The following YWHAZ variants were observed in gnomAD, a reference collection of about 807,000 sequenced individuals.
The protein encoded by YWHAZ is tyrosine 3-monooxygenase/tryptophan 5-monooxygenase activation protein zeta, also known as 14-3-3 protein zeta/delta.
For missense variants in YWHAZ, 79 were observed against 284.8 expected (o/e 0.28, Z 5.20); for synonymous variants, 87 against 103.6 (o/e 0.84, Z 0.97).
chr8:100,918,408 T>TTTTATATATATATATATATATA lies in YWHAZ; in HGVS notation c.*2284_*2285insTATATATATATATATATATAAA, dbSNP rs1554611375. The TTTTATATATATATATATATATA allele has an allele frequency of 2.4e-5, 1 of 41,882 alleles. No individual in the cohort carries two copies. Among genetic ancestry groups the TTTTATATATATATATATATATA allele is most frequent in the Non-Finnish European group, 4.8e-5 (1 of 20,796 alleles). 2.6% of individuals were successfully genotyped at this position (41,882 alleles called of 1,614,324 possible). ...AGTCTAGCTATAAAATATAATTACT[T>TTTTATATATATATATATATATA]TATATATATATATATATATATATAT... On this transcript the variant is annotated 3_prime_UTR_variant, in exon 6 of 6. Transcript: ENST00000395958.
Position 100,940,211 on chromosome 8 carries a change from C to T in YWHAZ, c.294+8385G>A, listed in dbSNP as rs139297637. The stretch of plus-strand genomic sequence containing the variant: ...TCCCCTCCCCCAGGATCTAGGCCTG[C>T]GCTGAAGTTTCTCACAAACCAAGGC... On this transcript the variant is annotated intron_variant, in intron 2 of 5. Transcript: ENST00000395958. Among the ~76,000 whole-genome samples the T allele has an allele frequency of 2.3e-3, 354 of 152,302 alleles. 1 individual carries two copies. Among genetic ancestry groups the T allele is most frequent in the African/African-American group, 8.1e-3 (335 of 41,556 alleles).
intron 2 of YWHAZ, among the ~76,000 whole-genome samples, chr8:100,938,726 G>C (rs899560308): frequency 2.0e-5 from 3 of 152,034 alleles, no homozygotes; most frequent in African/African-American, 7.2e-5. Flanking sequence ...CACACATTAG[G>C]GGCCCATAGA....
intron 2 of YWHAZ, among the ~76,000 whole-genome samples, chr8:100,930,647 T>C (rs1000115841): frequency 2.6e-5 from 4 of 152,210 alleles, no homozygotes; most frequent in African/African-American, 4.8e-5. Flanking sequence ...AAGTTTTACT[T>C]TTTTCCCTCC....
chr8:100,952,284 T>C, upstream of YWHAZ: 2 of 394,810 alleles, frequency 5.1e-6, no homozygotes, highest in Non-Finnish European at 6.9e-6. Context: ...GGCTTCCAGC[T>C]CCTCTACGCT....
chr8:100,952,711 G>A, upstream of YWHAZ: 1 of 875,360 alleles, frequency 1.1e-6, no homozygotes, highest in Non-Finnish European at 1.4e-6. Flanking sequence ...CCCGGGGCGG[G>A]GGCAGGGCGC....
At chr8:100,923,687 G>C (rs914800729) in intron 5 of YWHAZ, 4 of 269,864 alleles carry the variant, frequency 1.5e-5, no homozygotes, top group African/African-American at 8.9e-5. Flanking sequence ...AAAACATGTA[G>C]AGTCTCAGCA....
At chr8:100,923,856 A>G in intron 5 of YWHAZ, 99 bp downstream of exon 5, 1 of 938,638 alleles carries the variant, frequency 1.1e-6, no homozygotes, top group Non-Finnish European at 1.6e-6. Flanking sequence ...TGTTGAGAAA[A>G]AATTTTAAAA....
chr8:100,923,876 A>G, intron 5 of YWHAZ, 79 bp downstream of exon 5: 1 of 1,230,394 alleles, frequency 8.1e-7, no homozygotes, highest in Non-Finnish European at 1.1e-6. Flanking sequence ...AGATGTATTT[A>G]ATAAAAAAAA....
chr8:100,953,035 G>C, upstream of YWHAZ: 1 of 999,726 alleles, frequency 1.0e-6, no homozygotes, highest in Non-Finnish European at 1.2e-6. Context: ...GCCGGGCCGG[G>C]CGGAGCCGGC....
chr8:100,931,394 A>C (rs1290587607), intron 2 of YWHAZ, among the ~76,000 whole-genome samples: 1 of 152,198 alleles, frequency 6.6e-6, no homozygotes, highest in African/African-American at 2.4e-5. Context: ...CTGAGAATCT[A>C]TCTCTAGTGA....
chr8:100,927,387 G>T (rs1303066983), intron 2 of YWHAZ, among the ~76,000 whole-genome samples: 1 of 152,144 alleles, frequency 6.6e-6, no homozygotes, highest in Non-Finnish European at 1.5e-5. Flanking sequence ...AACCAGGTGT[G>T]GTGGCACACC....
rs116301722 is a variant in YWHAZ at position 100,943,424 on chromosome 8, C to T, written c.294+5172G>A. Among the ~76,000 whole-genome samples the T allele has an allele frequency of 5.1e-3, 781 of 152,282 alleles. 9 individuals are homozygous for T. Among genetic ancestry groups the T allele is most frequent in the African/African-American group, 0.017 (710 of 41,538 alleles). On this transcript the variant is annotated intron_variant, in intron 2 of 5. Transcript: ENST00000395958. ...ATTCTGACTTAAAAATTCTCACACACACATTCAATATAAATATGCCAAGAG... is the reference window on the plus strand; with the variant it reads ...ATTCTGACTTAAAAATTCTCACACATACATTCAATATAAATATGCCAAGAG...
rs1176504648 is a variant in YWHAZ at position 100,939,635 on chromosome 8, G to A, written c.294+8961C>T. 4.6e-5 allele frequency among the ~76,000 whole-genome samples: 7 copies of A among 151,694 alleles called. No homozygotes were observed. The East Asian group carries it at 1.2e-3, about 25-fold the overall frequency. On this transcript the variant is annotated intron_variant, in intron 2 of 5. Transcript: ENST00000395958. Reference sequence around the variant, plus strand: ...GATCACGCCATTGCACTCCAGCCTGGGCAACAAGAGTGAAACTCCATCTCA... The same window carrying A: ...GATCACGCCATTGCACTCCAGCCTGAGCAACAAGAGTGAAACTCCATCTCA...
At chr8:100,943,999 AAAAAAG>A in intron 2 of YWHAZ, among the ~76,000 whole-genome samples, 1 of 133,902 alleles carries the variant, frequency 7.5e-6, no homozygotes, top group South Asian at 2.3e-4. Context: ...AAAAAAAAAG[AAAAAAG>A]AAAAAAAGAA....
chr8:100,922,955 GAA>G lies in YWHAZ; in HGVS notation c.678+998_678+999del, dbSNP rs1384705030. 1 of 152,158 alleles carries G rather than the reference GAA, an allele frequency of 6.6e-6. No homozygotes were observed. Among genetic ancestry groups the G allele is most frequent in the East Asian group, 1.9e-4 (1 of 5,200 alleles). 9.4% of individuals were successfully genotyped at this position (152,158 alleles called of 1,614,324 possible). A position where few individuals can be genotyped will look rare whatever the true frequency, so the allele number is the denominator to read the frequency against. On this transcript the variant is annotated intron_variant, in intron 5 of 5. Transcript: ENST00000395958. The surrounding 1 kb of genome is among the most constrained non-coding windows in gnomAD (Gnocchi z 4.1). ...GCTTGTTATCTTGACTCAAGTATCA[GAA>G]AAGTTTATAGATAGCTCCAAATTGT...
intron 2 of YWHAZ, among the ~76,000 whole-genome samples, chr8:100,946,623 A>G (rs1350731964): frequency 6.6e-6 from 1 of 152,174 alleles, no homozygotes; most frequent in South Asian, 2.1e-4. Context: ...AAAGACTCAC[A>G]ATGACAGGAA....
At chr8:100,935,959 TA>T (rs2130241049) in intron 2 of YWHAZ, among the ~76,000 whole-genome samples, 1 of 152,304 alleles carries the variant, frequency 6.6e-6, no homozygotes, top group African/African-American at 2.4e-5. Flanking sequence ...CTTTTTTTCT[TA>T]AAAAGTAATC....
At chr8:100,943,301 G>A (rs1388885987) in intron 2 of YWHAZ, among the ~76,000 whole-genome samples, 2 of 152,022 alleles carry the variant, frequency 1.3e-5, no homozygotes, top group Non-Finnish European at 2.9e-5. Flanking sequence ...ATCACAATAG[G>A]GAACCAGGAA....
chr8:100,951,721 C>T lies in YWHAZ; in HGVS notation c.-12+208G>A, dbSNP rs985986974. 15 of 985,314 alleles carry T rather than the reference C, an allele frequency of 1.5e-5. No homozygotes were observed. The African/African-American group carries it at 2.6e-4, about 17-fold the overall frequency. The allele number at this position is 985,314 out of a possible 1,614,324, so 61.0% of individuals were successfully genotyped here. Reference sequence around the variant, plus strand: ...CGGCGCCGGGGCGTCGATGCGGAAGCAAGGAGCCGGAGGCGGCCGCTAGCC... The same window carrying T: ...CGGCGCCGGGGCGTCGATGCGGAAGTAAGGAGCCGGAGGCGGCCGCTAGCC... On this transcript the variant is annotated intron_variant, in intron 1 of 5. Coordinates refer to ENST00000395958, the MANE Select transcript of YWHAZ (RefSeq NM_145690.3).
Sources: allele counts gnomAD v4.1 joint callset (sites outside exome capture counted in the v4.1 genomes callset), GRCh38; gene constraint gnomAD v4.1.1; non-coding constraint Gnocchi (gnomAD v3.1); transcripts MANE v1.5; gene names NCBI Gene and HGNC (gene_info 2026-07-23, HGNC 2026-07-21).